Variants in ITGAE observed in about 807,000 individuals in gnomAD.
ITGAE encodes integrin alpha-E.
In ITGAE, 99 loss-of-function variants were observed where a neutral mutation model predicts 136.5. The observed-to-expected ratio is 0.73, with a 90% CI of 0.62 to 0.86. ITGAE has a LOEUF of 0.86. Ranked by LOEUF, ITGAE falls within the 40% of genes least tolerant of loss-of-function variation. The pLI is 0.00. For missense variants in ITGAE, 1,447 were observed against 1,515.3 expected, an observed-to-expected ratio of 0.95 and a Z score of 0.75; for synonymous variants, 613 against 591.8, an observed-to-expected ratio of 1.04 and a Z score of -0.52.
chr17:3,755,195 G>C lies in ITGAE; in HGVS notation c.1306C>G (p.Arg436Gly), dbSNP rs1282517182. The C allele has an allele frequency of 6.4e-7, 1 of 1,552,844 alleles. No individual in the cohort carries two copies. The highest frequency in any genetic ancestry group is 2.3e-5 in the East Asian group (1 of 43,656). ...TTCAGGAAGCGGCCCCGGCGGCTGC[G>C]TGTGTCGTAGAGCAACGCCCCTCCG... ...WSGGALLYDT[R>G]SRRGRFLNQT... Residue 436 changes from arginine to glycine, a missense_variant, in exon 12 of 31, where the codon CGC becomes GGC. Arg to Gly is a moderately radical substitution (Grantham distance 125). This residue lies in a region of ITGAE where 1,031 missense variants were observed against 1,011.4 expected (regional missense o/e 1.02). Coordinates refer to ENST00000263087, the MANE Select transcript of ITGAE (RefSeq NM_002208.5).
chr17:3,725,772 G>C, intron 26 of ITGAE: 2 of 1,600,716 alleles, frequency 1.2e-6, no homozygotes, highest in Non-Finnish European at 1.7e-6. Flanking sequence ...GATTGACTTA[G>C]AGCAAATGCG....
At chr17:3,770,007 G>T (rs2052382687) in intron 2 of ITGAE, among the ~76,000 whole-genome samples, 1 of 151,850 alleles carries the variant, frequency 6.6e-6, no homozygotes, top group Non-Finnish European at 1.5e-5. Context: ...TTAGTATTTT[G>T]TATTTAAATG....
At chr17:3,794,261 G>A (rs540222880) in intron 1 of ITGAE, among the ~76,000 whole-genome samples, 130 of 152,260 alleles carry the variant, frequency 8.5e-4, no homozygotes, top group Non-Finnish European at 1.2e-3. Flanking sequence ...ACAGGCGTGA[G>A]CCACCGTGCC....
intron 2 of ITGAE, among the ~76,000 whole-genome samples, chr17:3,765,348 C>CAAAAA (rs66493976): frequency 4.7e-5 from 3 of 63,730 alleles, no homozygotes; most frequent in Non-Finnish European, 5.4e-5. Context: ...GACTCTGTCT[C>CAAAAA]AAAAAAAAAA....
chr17:3,725,816 C>T, intron 26 of ITGAE: 1 of 1,611,500 alleles, frequency 6.2e-7, no homozygotes, highest in Non-Finnish European at 8.5e-7. Context: ...CTGCAAAGAG[C>T]ATTCTACACC....
At chr17:3,796,071 T>TTGTGCATCCCTGTGTATGCATCCGTGTG (rs2053082262) in intron 1 of ITGAE, among the ~76,000 whole-genome samples, 3 of 92,274 alleles carry the variant, frequency 3.3e-5, no homozygotes, top group East Asian at 2.8e-4. Flanking sequence ...GCATCCGTGT[T>TTGTGCATCCCTGTGTATGCATCCGTGTG]TGTGCATCCC....
intron 1 of ITGAE, among the ~76,000 whole-genome samples, chr17:3,786,279 A>C (rs2052796312): frequency 6.6e-6 from 1 of 152,090 alleles, no homozygotes. Flanking sequence ...ACCAAAACTA[A>C]CAAAAAAAGA....
intron 1 of ITGAE, among the ~76,000 whole-genome samples, chr17:3,784,672 C>A (rs911237192): frequency 6.6e-6 from 1 of 152,118 alleles, no homozygotes; most frequent in Non-Finnish European, 1.5e-5. Flanking sequence ...GGATTACAGG[C>A]GTGAGCCACC....
intron 26 of ITGAE, chr17:3,725,757 G>C (rs199574028): frequency 6.4e-5 from 101 of 1,589,818 alleles, no homozygotes; most frequent in Non-Finnish European, 7.7e-6. Context: ...ATTTGAGTTT[G>C]GAGGGATTGA....
chr17:3,745,861 T>C lies in ITGAE; in HGVS notation c.2222A>G (p.Gln741Arg), dbSNP rs766361061. ...VDVGKQRRRL[Q>R]CSDVRSCLGC... ...CAGACAGCTTCTTACGTCTGAACAC[T>C]GCAGCCGTCTCCTCTGCTTCCCCAC... The change falls in exon 18 of 31, where the codon CAG becomes CGG. Residue 741 changes from glutamine (Q) to arginine (R), a missense_variant. Around this residue, in one of 3 missense-constraint regions of ITGAE, gnomAD observed 1,031 missense variants for 1,011.4 expected, o/e 1.02. Transcript: ENST00000263087. 1.2e-6 allele frequency: 2 copies of C among 1,614,062 alleles called. No individual in the cohort carries two copies. The highest frequency in any genetic ancestry group is 3.3e-5 in the Admixed American group (2 of 60,010).
chr17:3,795,952 CATCCCT>C (rs1283492121), intron 1 of ITGAE, among the ~76,000 whole-genome samples: 1 of 108,052 alleles, frequency 9.3e-6, no homozygotes, highest in Non-Finnish European at 1.8e-5. Context: ...TCCGTGTGTG[CATCCCT>C]GTGTGTGCGT....
At chr17:3,746,904 T>G (rs1010104149) in intron 17 of ITGAE, among the ~76,000 whole-genome samples, 2 of 152,324 alleles carry the variant, frequency 1.3e-5, no homozygotes, top group African/African-American at 4.8e-5. Context: ...TCTGTCATTT[T>G]CAATCCCCAG....
chr17:3,731,244 G>A (rs1045438092), intron 22 of ITGAE, 61 bp from the exon 23 acceptor site: 29 of 1,282,670 alleles, frequency 2.3e-5, no homozygotes, highest in Admixed American at 8.5e-5. Context: ...AATTCAGACC[G>A]CTAGCTACTC....
chr17:3,742,459 T>TTC (rs1567525357), intron 19 of ITGAE, among the ~76,000 whole-genome samples: 4 of 149,320 alleles, frequency 2.7e-5, no homozygotes, highest in Non-Finnish European at 6.0e-5. Flanking sequence ...GTTTGTGGTT[T>TTC]TTTTTTTTTT....
intron 18 of ITGAE, 140 bp downstream of exon 18, chr17:3,745,624 G>A (rs1393908395): frequency 3.6e-6 from 3 of 840,672 alleles, no homozygotes; most frequent in South Asian, 1.8e-5. Flanking sequence ...TGACAGGCGT[G>A]AGCCACCGTG....
chr17:3,793,175 C>T (rs917793522), intron 1 of ITGAE, among the ~76,000 whole-genome samples: 7 of 151,974 alleles, frequency 4.6e-5, no homozygotes, highest in African/African-American at 1.7e-4. Flanking sequence ...GCCTCAGCCT[C>T]CTGAGTAGCT....
intron 28 of ITGAE, among the ~76,000 whole-genome samples, chr17:3,720,955 A>G: frequency 6.6e-6 from 1 of 152,024 alleles, no homozygotes; most frequent in East Asian, 1.9e-4. Flanking sequence ...TTGAGACAGG[A>G]TCTCGCTCTG....
At chr17:3,736,384 T>A (rs535176495) in intron 20 of ITGAE, among the ~76,000 whole-genome samples, 1 of 152,202 alleles carries the variant, frequency 6.6e-6, no homozygotes, top group Non-Finnish European at 1.5e-5. Flanking sequence ...GAGAGAATTG[T>A]ACCCAAATCC....
chr17:3,758,078 GA>G (rs1313650948), intron 8 of ITGAE, among the ~76,000 whole-genome samples: 1 of 152,194 alleles, frequency 6.6e-6, no homozygotes, highest in Non-Finnish European at 1.5e-5. Context: ...CTCCCAGCAG[GA>G]AGGTACTGCC....
Sources: allele counts gnomAD v4.1 joint callset (sites outside exome capture counted in the v4.1 genomes callset), GRCh38; gene constraint gnomAD v4.1.1; regional missense constraint gnomAD v4.1.1; transcripts MANE v1.5; gene names NCBI Gene and HGNC (gene_info 2026-07-23, HGNC 2026-07-21).